DACH2: variants seen among roughly 807,000 people sequenced by gnomAD.
DACH2 encodes the protein dachshund homolog 2.
DACH2 carries 17 observed loss-of-function variants against 35.8 expected under a neutral mutation model. The observed-to-expected ratio is 0.48, with a 90% CI of 0.33 to 0.71. The LOEUF is 0.71. Among genes scored for constraint, DACH2 ranks in the 30% least tolerant of loss-of-function variants. DACH2 has a pLI of 0.02. For synonymous variants in DACH2, 195 were observed against 177.3 expected (o/e 1.10, Z -0.79); for missense variants, 469 against 472.7 (o/e 0.99, Z 0.07).
intron 1 of DACH2, among the ~76,000 whole-genome samples, chrX:86,287,246 G>A (rs1479092573): frequency 8.9e-6 from 1 of 111,775 alleles, no homozygotes; most frequent in Non-Finnish European, 1.9e-5. Context: ...TGAAAAGTCT[G>A]CTGCCAGATG....
chrX:86,460,406 A>C (rs192676034), intron 2 of DACH2, among the ~76,000 whole-genome samples: 272 of 111,037 alleles, frequency 2.4e-3, no homozygotes, highest in African/African-American at 8.6e-3. Flanking sequence ...AGTAGAATTA[A>C]ATTCTATTGT....
chrX:86,752,457 G>A (rs1362752132), intron 7 of DACH2, among the ~76,000 whole-genome samples: 1 of 111,182 alleles, frequency 9.0e-6, no homozygotes, highest in Non-Finnish European at 1.9e-5. Flanking sequence ...ATTATTAAAA[G>A]GTTAGACTTT....
chrX:86,706,186 T>A (rs2041214567), intron 5 of DACH2, among the ~76,000 whole-genome samples: 1 of 111,356 alleles, frequency 9.0e-6, no homozygotes, highest in Non-Finnish European at 1.9e-5. Flanking sequence ...AAATCTGAGA[T>A]TTCACACTAT....
intron 7 of DACH2, among the ~76,000 whole-genome samples, chrX:86,749,982 A>G (rs1039900701): frequency 4.5e-5 from 5 of 110,784 alleles, no homozygotes; most frequent in African/African-American, 1.6e-4. Flanking sequence ...GATTCTTTAC[A>G]ATTTTTTTCT....
At chrX:86,694,432 ACTTTACCT>A (rs1019707975) in intron 4 of DACH2, among the ~76,000 whole-genome samples, 1 of 111,847 alleles carries the variant, frequency 8.9e-6, no homozygotes, top group Non-Finnish European at 1.9e-5. Flanking sequence ...ATTTATACAC[ACTTTACCT>A]CACTCTCTAG....
intron 2 of DACH2, among the ~76,000 whole-genome samples, chrX:86,509,803 T>C (rs2038372234): frequency 8.9e-6 from 1 of 112,198 alleles, no homozygotes; most frequent in Non-Finnish European, 1.9e-5. Context: ...AATGTCATTT[T>C]TGGTTTTCTG....
chrX:86,304,113 A>G (rs1271519058), intron 1 of DACH2, among the ~76,000 whole-genome samples: 2 of 112,120 alleles, frequency 1.8e-5, no homozygotes, highest in African/African-American at 3.2e-5. Flanking sequence ...AAGAACACAC[A>G]ATGGGGGAAA....
intron 3 of DACH2, among the ~76,000 whole-genome samples, chrX:86,650,203 C>A (rs1240614001): frequency 9.1e-6 from 1 of 110,303 alleles, no homozygotes; most frequent in Non-Finnish European, 1.9e-5. Flanking sequence ...CCTTTTTATA[C>A]CATTATGCTG....
chrX:86,727,764 C>T (rs1337946263), intron 6 of DACH2, among the ~76,000 whole-genome samples: 6 of 111,756 alleles, frequency 5.4e-5, no homozygotes, highest in Non-Finnish European at 1.1e-4. Context: ...CTTCCTGAGG[C>T]CTCCCCAAAG....
intron 7 of DACH2, among the ~76,000 whole-genome samples, chrX:86,774,879 T>C (rs182098105): frequency 8.9e-6 from 1 of 111,885 alleles, no homozygotes; most frequent in African/African-American, 3.2e-5. Flanking sequence ...TTATTGTATA[T>C]GGACCTTTCA....
At chrX:86,635,368 A>G (rs1450374095) in intron 3 of DACH2, among the ~76,000 whole-genome samples, 1 of 108,942 alleles carries the variant, frequency 9.2e-6, no homozygotes, top group Non-Finnish European at 1.9e-5. Flanking sequence ...TAGGTATTGA[A>G]GGAGCATACC....
chrX:86,815,215 T>C (rs920878683), intron 10 of DACH2, among the ~76,000 whole-genome samples: 1 of 111,761 alleles, frequency 8.9e-6, no homozygotes, highest in Admixed American at 9.5e-5. Context: ...CAATGCTTGT[T>C]CCTTTAATGC....
At chrX:86,310,549 G>A (rs1036481075) in intron 1 of DACH2, among the ~76,000 whole-genome samples, 1 of 111,817 alleles carries the variant, frequency 8.9e-6, no homozygotes, top group Non-Finnish European at 1.9e-5. Flanking sequence ...CTGAAGGACC[G>A]TGGTGAAGGG....
chrX:86,530,549 C>T (rs2038704471), intron 3 of DACH2, among the ~76,000 whole-genome samples: 1 of 111,678 alleles, frequency 9.0e-6, no homozygotes, highest in Admixed American at 9.5e-5. Context: ...TTCTCCTTTG[C>T]CTTCTGCCAT....
chrX:86,754,883 A>T (rs1256442000), intron 7 of DACH2, among the ~76,000 whole-genome samples: 1 of 111,894 alleles, frequency 8.9e-6, no homozygotes, highest in Non-Finnish European at 1.9e-5. Flanking sequence ...GTGCTGCAAA[A>T]AACATGTGAG....
intron 1 of DACH2, among the ~76,000 whole-genome samples, chrX:86,329,757 T>C (rs1462838047): frequency 1.8e-5 from 2 of 111,261 alleles, no homozygotes; most frequent in African/African-American, 6.5e-5. Context: ...TATGGGACTT[T>C]CATTTGACGA....
chrX:86,742,311 T>C (rs1284012982), intron 7 of DACH2, among the ~76,000 whole-genome samples: 1 of 111,122 alleles, frequency 9.0e-6, no homozygotes, highest in Non-Finnish European at 1.9e-5. Flanking sequence ...TTAACATTTT[T>C]CTCTTTCAAT....
At chrX:86,363,935 C>G (rs148460278) in intron 1 of DACH2, among the ~76,000 whole-genome samples, 1,532 of 111,154 alleles carry the variant, frequency 0.014, 22 homozygotes, top group African/African-American at 0.047. Context: ...CCTGGGGTTT[C>G]TTTTATTTTT....
intron 1 of DACH2, among the ~76,000 whole-genome samples, chrX:86,261,372 A>G (rs2033621631): frequency 8.9e-6 from 1 of 112,101 alleles, no homozygotes; most frequent in Non-Finnish European, 1.9e-5. Context: ...TCATAGCACC[A>G]AAACAATTGG....
Sources: gnomAD v4.1 joint callset for allele counts (sites outside exome capture counted in the v4.1 genomes callset) on GRCh38, gnomAD v4.1.1 for gene constraint, MANE v1.5 for transcripts, NCBI Gene and HGNC (gene_info 2026-07-23, HGNC 2026-07-21) for gene names.